The following FBXO4 variants were observed in gnomAD, a reference collection of about 807,000 sequenced individuals.
FBXO4 encodes F-box only protein 4.
Under a neutral mutation model 43.7 loss-of-function variants are expected in FBXO4, and 36 were observed. The observed-to-expected ratio is 0.82, with a 90% CI of 0.63 to 1.09. FBXO4 has a LOEUF of 1.09. FBXO4 is among the 50% of genes least tolerant of loss of function. The pLI, the probability that FBXO4 is intolerant of heterozygous loss-of-function variation, is 0.00. For missense variants in FBXO4, 435 were observed against 474.1 expected (o/e 0.92, Z 0.77); for synonymous variants, 180 against 165.6 (o/e 1.09, Z -0.67).
the FBXO4 span, among the ~76,000 whole-genome samples, chr5:42,015,506 G>T: frequency 6.6e-6 from 1 of 152,144 alleles, no homozygotes; most frequent in African/African-American, 2.4e-5. Context: ...GCTATTACCA[G>T]TTCATCAGAT....
chr5:41,941,182 G>A lies in FBXO4; in HGVS notation c.1075-10G>A, dbSNP rs1751995935. 16 of 1,610,644 alleles carry A rather than the reference G, an allele frequency of 9.9e-6. No individual in the cohort carries two copies. The highest frequency in any genetic ancestry group is 1.3e-5 in the African/African-American group (1 of 74,946). On this transcript the variant is annotated splice_polypyrimidine_tract_variant and intron_variant, in intron 6 of 6. Coordinates refer to ENST00000281623, the MANE Select transcript of FBXO4 (RefSeq NM_012176.3). Reference sequence around the variant, plus strand: ...TCTTACTAACAACATTCTCTCTTATGTATTCCGAGGTCCAGGATACAGAGG... The same window carrying A: ...TCTTACTAACAACATTCTCTCTTATATATTCCGAGGTCCAGGATACAGAGG...
chr5:41,982,572 C>T, the FBXO4 span, among the ~76,000 whole-genome samples: 3 of 151,460 alleles, frequency 2.0e-5, no homozygotes, highest in African/African-American at 7.3e-5. Flanking sequence ...TATTGGGTTG[C>T]TAACATTGAA....
At position 41,931,159 on chromosome 5, in the gene FBXO4, G is replaced by A. The variant is rs78222174; in HGVS notation, c.646+1242G>A. ...AAGATTACTCAGGCTCTTGAGTGAAGAATTGATTAGAAGGGGCTAAAGATA... is the reference window on the plus strand; with the variant it reads ...AAGATTACTCAGGCTCTTGAGTGAAAAATTGATTAGAAGGGGCTAAAGATA... On this transcript the variant is annotated intron_variant, in intron 3 of 6. Transcript: ENST00000281623. Among the ~76,000 whole-genome samples, 273 of 152,320 alleles carry A rather than the reference G, an allele frequency of 1.8e-3. 1 individual carries two copies. The highest frequency in any genetic ancestry group is 3.2e-3 in the Non-Finnish European group (218 of 68,016).
chr5:41,938,038 C>T (rs900101192), intron 5 of FBXO4, among the ~76,000 whole-genome samples: 2 of 152,082 alleles, frequency 1.3e-5, no homozygotes, highest in African/African-American at 4.8e-5. Flanking sequence ...TTAAAGGAAG[C>T]TCTTTAGGCA....
chr5:41,948,588 C>T, the FBXO4 span, among the ~76,000 whole-genome samples: 2 of 152,004 alleles, frequency 1.3e-5, no homozygotes, highest in African/African-American at 4.8e-5. Context: ...TTGGTGATAC[C>T]GTTGTCATAC....
At chr5:41,975,311 A>G in the FBXO4 span, among the ~76,000 whole-genome samples, 1 of 152,176 alleles carries the variant, frequency 6.6e-6, no homozygotes, top group Admixed American at 6.5e-5. Flanking sequence ...AGACTAATTA[A>G]TTGATGTATG....
chr5:42,000,277 A>G, the FBXO4 span, among the ~76,000 whole-genome samples: 20 of 152,324 alleles, frequency 1.3e-4, no homozygotes, highest in Admixed American at 1.2e-3. Context: ...TTATGCTCCA[A>G]TGAACATGGG....
chr5:41,952,423 G>A, the FBXO4 span, among the ~76,000 whole-genome samples: 148 of 152,106 alleles, frequency 9.7e-4, 3 homozygotes, highest in African/African-American at 3.5e-3. Context: ...ATAATATATT[G>A]GCATGAAGTT....
Position 41,934,176 on chromosome 5 carries a change from A to G in FBXO4, c.766A>G (p.Asn256Asp), listed in dbSNP as rs541861883. 1 of 1,614,124 alleles carries G rather than the reference A, an allele frequency of 6.2e-7. No homozygotes were observed. Among genetic ancestry groups the G allele is most frequent in the East Asian group, 2.2e-5 (1 of 44,862 alleles). ...RAREEHTSAV[N>D]KMFSRHNEGD... Reference sequence around the variant, plus strand: ...AAGGGAAGAGCATACAAGTGCAGTTAACAAGATGTTCAGTCGACACAATGA... The same window carrying G: ...AAGGGAAGAGCATACAAGTGCAGTTGACAAGATGTTCAGTCGACACAATGA... The change falls in exon 5 of 7, where the codon AAC becomes GAC. Residue 256 changes from asparagine to aspartate, a missense_variant. Coordinates refer to ENST00000281623, the MANE Select transcript of FBXO4 (RefSeq NM_012176.3).
the FBXO4 span, among the ~76,000 whole-genome samples, chr5:41,977,344 G>A: frequency 6.6e-6 from 1 of 152,128 alleles, no homozygotes; most frequent in African/African-American, 2.4e-5. Flanking sequence ...AAATTTTCCA[G>A]AGTTTTACAC....
chr5:41,991,016 T>A, the FBXO4 span, among the ~76,000 whole-genome samples: 1 of 152,300 alleles, frequency 6.6e-6, no homozygotes, highest in Non-Finnish European at 1.5e-5. Context: ...TCTAGATGAA[T>A]TAAATATGAT....
chr5:42,009,164 G>C, the FBXO4 span, among the ~76,000 whole-genome samples: 1 of 152,162 alleles, frequency 6.6e-6, no homozygotes, highest in African/African-American at 2.4e-5. Context: ...GAAGACTGCA[G>C]TATTTCTAAG....
At chr5:42,005,274 A>T in the FBXO4 span, among the ~76,000 whole-genome samples, 1 of 152,158 alleles carries the variant, frequency 6.6e-6, no homozygotes, top group Non-Finnish European at 1.5e-5. Flanking sequence ...CCTTGTTCAA[A>T]GTTCAAATTA....
At chr5:42,001,061 CTT>C in the FBXO4 span, among the ~76,000 whole-genome samples, 1 of 152,074 alleles carries the variant, frequency 6.6e-6, no homozygotes, top group East Asian at 1.9e-4. Context: ...TATTAAGGCT[CTT>C]TTGTGTTTCC....
the FBXO4 span, among the ~76,000 whole-genome samples, chr5:41,995,406 G>C: frequency 6.6e-6 from 1 of 152,224 alleles, no homozygotes; most frequent in Non-Finnish European, 1.5e-5. Flanking sequence ...ACCCTGAGAA[G>C]TGGTGCAATA....
At chr5:42,005,124 A>G in the FBXO4 span, among the ~76,000 whole-genome samples, 1 of 152,186 alleles carries the variant, frequency 6.6e-6, no homozygotes, top group Non-Finnish European at 1.5e-5. Context: ...TAAATAAAAC[A>G]TCTTGGAAGA....
the FBXO4 span, among the ~76,000 whole-genome samples, chr5:41,995,589 G>T: frequency 6.6e-6 from 1 of 152,138 alleles, no homozygotes; most frequent in Non-Finnish European, 1.5e-5. Flanking sequence ...AGGGGTGTCT[G>T]GGGAAAGAGG....
chr5:42,000,064 T>A, the FBXO4 span, among the ~76,000 whole-genome samples: 1 of 152,196 alleles, frequency 6.6e-6, no homozygotes, highest in Non-Finnish European at 1.5e-5. Flanking sequence ...ATAAGTGATA[T>A]CATGCAGCAT....
chr5:41,991,818 C>G, the FBXO4 span, among the ~76,000 whole-genome samples: 1 of 152,202 alleles, frequency 6.6e-6, no homozygotes, highest in Admixed American at 6.5e-5. Flanking sequence ...GTGGCTCACG[C>G]CTGTAATGCC....
Sources: allele counts gnomAD v4.1 joint callset (sites outside exome capture counted in the v4.1 genomes callset), GRCh38; gene constraint gnomAD v4.1.1; transcripts MANE v1.5; gene names NCBI Gene and HGNC (gene_info 2026-07-23, HGNC 2026-07-21).